DAAM2: variants seen among roughly 807,000 people sequenced by gnomAD.
The protein encoded by DAAM2 is disheveled-associated activator of morphogenesis 2.
In DAAM2, 39 loss-of-function variants were observed where a neutral mutation model predicts 120.7. That is an observed-to-expected ratio of 0.32 (90% CI 0.25 to 0.42). The LOEUF (loss-of-function observed/expected upper bound fraction) is 0.42. Ranked by LOEUF, DAAM2 falls within the 10% of genes least tolerant of loss-of-function variation. The probability of loss-of-function intolerance (pLI) is 1.00; values close to 1 mark genes in which losing one functional copy is unlikely to be tolerated. For synonymous variants in DAAM2, 488 were observed against 524.9 expected (o/e 0.93, Z 0.96); for missense variants, 1,283 against 1,401.7 (o/e 0.92, Z 1.35).
intron 1 of DAAM2, among the ~76,000 whole-genome samples, chr6:39,817,603 T>C (rs1762346168): frequency 6.6e-6 from 1 of 152,162 alleles, no homozygotes. Context: ...AGGATCTCTC[T>C]CTACATATAT....
chr6:39,854,450 G>A (rs1373495608), intron 1 of DAAM2, among the ~76,000 whole-genome samples: 2 of 152,074 alleles, frequency 1.3e-5, no homozygotes, highest in Non-Finnish European at 2.9e-5. Flanking sequence ...GTAGTACAAC[G>A]GCAATCTTCC....
chr6:39,872,402 A>G (rs908958513), intron 9 of DAAM2, among the ~76,000 whole-genome samples: 2 of 152,126 alleles, frequency 1.3e-5, no homozygotes, highest in Non-Finnish European at 2.9e-5. Flanking sequence ...TGAAACCCCC[A>G]AAGGAAAGGG....
intron 1 of DAAM2, among the ~76,000 whole-genome samples, chr6:39,839,536 T>G (rs1164573177): frequency 6.6e-6 from 1 of 152,250 alleles, no homozygotes; most frequent in Non-Finnish European, 1.5e-5. Context: ...AGAACCAGGC[T>G]TAGGACCTGA....
intron 1 of DAAM2, among the ~76,000 whole-genome samples, chr6:39,806,555 T>C (rs1389606879): frequency 6.6e-6 from 1 of 152,160 alleles, no homozygotes; most frequent in Non-Finnish European, 1.5e-5. Flanking sequence ...GATTTATCTC[T>C]AATATTATGG....
intron 1 of DAAM2, among the ~76,000 whole-genome samples, chr6:39,842,872 A>AG (rs1763406522): frequency 6.6e-6 from 1 of 151,660 alleles, no homozygotes; most frequent in Non-Finnish European, 1.5e-5. Context: ...GATTGGGGTG[A>AG]GGGGTAATGT....
chr6:39,836,750 C>T (rs1434624716), intron 1 of DAAM2, among the ~76,000 whole-genome samples: 6 of 152,292 alleles, frequency 3.9e-5, no homozygotes, highest in African/African-American at 1.2e-4. Context: ...CAAATCTCCA[C>T]GTCCACCCTA....
At position 39,871,478 on chromosome 6, in the gene DAAM2, ACTCT is replaced by A. The variant is rs775809670; in HGVS notation, c.978-23_978-20del. 3.2e-6 allele frequency: 5 copies of A among 1,546,508 alleles called. No homozygotes were observed. The South Asian group carries it at 4.8e-5, about 15-fold the overall frequency. ...AGGGTGTGTCCTGGCTGTAATGTCTACTCTCTCTGTCTCCCCATTCTGTCTAGAC... is the reference window on the plus strand; with the variant it reads ...AGGGTGTGTCCTGGCTGTAATGTCTACTCTGTCTCCCCATTCTGTCTAGAC... On this transcript the variant is annotated intron_variant, in intron 8 of 24. Transcript: ENST00000274867.
At chr6:39,809,652 C>G (rs1247460903) in intron 1 of DAAM2, among the ~76,000 whole-genome samples, 1 of 152,140 alleles carries the variant, frequency 6.6e-6, no homozygotes, top group Non-Finnish European at 1.5e-5. Context: ...CAGAGAAGCA[C>G]TGCAGTAAAA....
chr6:39,879,609 T>C (rs1488472664), intron 14 of DAAM2, 132 bp downstream of exon 14: 2 of 1,236,792 alleles, frequency 1.6e-6, no homozygotes, highest in South Asian at 2.5e-5. Flanking sequence ...GGCAGTCATG[T>C]GGATGTACAA....
chr6:39,800,697 T>C (rs905880558), intron 1 of DAAM2, among the ~76,000 whole-genome samples: 13 of 152,200 alleles, frequency 8.5e-5, no homozygotes, highest in African/African-American at 2.9e-4. Flanking sequence ...TGGGTCACCC[T>C]GAAACCAATG....
chr6:39,823,857 C>T (rs1762573964), intron 1 of DAAM2, among the ~76,000 whole-genome samples: 2 of 152,130 alleles, frequency 1.3e-5, no homozygotes, highest in African/African-American at 4.8e-5. Context: ...ACTGAGGACC[C>T]CTGCCTCTCC....
chr6:39,879,035 T>G, intron 13 of DAAM2, 143 bp from the exon 14 acceptor site: 1 of 616,430 alleles, frequency 1.6e-6, no homozygotes, highest in South Asian at 2.0e-5. Context: ...AGAGAGAAAA[T>G]GGGGCCAAAT....
At chr6:39,842,710 G>A (rs1763397179) in intron 1 of DAAM2, among the ~76,000 whole-genome samples, 1 of 152,132 alleles carries the variant, frequency 6.6e-6, no homozygotes, top group Non-Finnish European at 1.5e-5. Flanking sequence ...ATATAATGAA[G>A]TGTCCTATAA....
At chr6:39,882,719 GCA>G (rs1055877250) in intron 14 of DAAM2, among the ~76,000 whole-genome samples, 119 of 87,746 alleles carry the variant, frequency 1.4e-3, no homozygotes, top group African/African-American at 4.2e-3. Context: ...ACACACACAC[GCA>G]CACACACACA....
At chr6:39,896,400 C>T (rs1766092825) in intron 19 of DAAM2, among the ~76,000 whole-genome samples, 1 of 152,070 alleles carries the variant, frequency 6.6e-6, no homozygotes, top group Non-Finnish European at 1.5e-5. Flanking sequence ...GACAGGGTTT[C>T]ACCACGTTGG....
chr6:39,801,703 T>C (rs1224321264), intron 1 of DAAM2, among the ~76,000 whole-genome samples: 1 of 152,234 alleles, frequency 6.6e-6, no homozygotes, highest in East Asian at 1.9e-4. Flanking sequence ...TGTACACCCA[T>C]TGTCCATCCA....
chr6:39,835,625 G>GAAT (rs1276599498), intron 1 of DAAM2, among the ~76,000 whole-genome samples: 1 of 152,226 alleles, frequency 6.6e-6, no homozygotes, highest in Non-Finnish European at 1.5e-5. Context: ...AACATATGGA[G>GAAT]GAAGGAACTC....
chr6:39,860,790 A>G (rs1350236438), intron 2 of DAAM2, 138 bp from the exon 3 acceptor site: 3 of 718,722 alleles, frequency 4.2e-6, no homozygotes, highest in African/African-American at 3.5e-5. Context: ...GCCCTATCAT[A>G]TCTTTGATGC....
intron 1 of DAAM2, among the ~76,000 whole-genome samples, chr6:39,839,563 G>C (rs1208144435): frequency 6.6e-6 from 1 of 152,240 alleles, no homozygotes; most frequent in Non-Finnish European, 1.5e-5. Flanking sequence ...AAGGAAGAAT[G>C]AGAAGGGTGC....
Sources: allele counts gnomAD v4.1 joint callset (sites outside exome capture counted in the v4.1 genomes callset), GRCh38; gene constraint gnomAD v4.1.1; transcripts MANE v1.5; gene names NCBI Gene and HGNC (gene_info 2026-07-23, HGNC 2026-07-21).